Variants in CHD1 observed in about 807,000 individuals in gnomAD.
The protein encoded by CHD1 is ATP-dependent chromatin remodeler CHD1.
Under a neutral mutation model 224.2 loss-of-function variants are expected in CHD1, and 36 were observed. The ratio of observed to expected loss-of-function variants is 0.16; its 90% CI spans 0.12 to 0.21. CHD1 has a LOEUF of 0.21. Ranked by LOEUF, CHD1 falls within the 10% of genes least tolerant of loss-of-function variation. The pLI is 1.00. For synonymous variants in CHD1, 668 were observed against 658.3 expected (o/e 1.01, Z -0.23); for missense variants, 1,378 against 1,994.8 (o/e 0.69, Z 5.89).
In CHD1 at chr5:98,896,569, C is replaced by T. The variant is rs186993663; in HGVS notation, c.1494-127G>A. On this transcript the variant is annotated intron_variant, in intron 11 of 35. Coordinates refer to ENST00000614616, the MANE Select transcript of CHD1 (RefSeq NM_001270.4). ...GATAGGTATTATATAGAATATACCACTTTTATTAACTACAAATAATAAATG... is the reference window on the plus strand; with the variant it reads ...GATAGGTATTATATAGAATATACCATTTTTATTAACTACAAATAATAAATG... 158 of 615,352 alleles carry T rather than the reference C, an allele frequency of 2.6e-4. No individual in the cohort carries two copies. In the East Asian group the frequency reaches 4.0e-3, roughly 15 times the overall value. The allele number at this position is 615,352 out of a possible 1,614,324, so 38.1% of individuals were successfully genotyped here.
intron 1 of CHD1, among the ~76,000 whole-genome samples, chr5:98,927,147 C>T (rs532475859): frequency 6.6e-6 from 1 of 152,066 alleles, no homozygotes; most frequent in Non-Finnish European, 1.5e-5. Flanking sequence ...CCAGTTTGCA[C>T]TTGGTTTTTA....
chr5:98,874,820 T>C (rs890905185), intron 25 of CHD1, among the ~76,000 whole-genome samples: 1 of 152,110 alleles, frequency 6.6e-6, no homozygotes, highest in Non-Finnish European at 1.5e-5. Context: ...TTGTAAAAAG[T>C]GCCTTACCGT....
intron 31 of CHD1, among the ~76,000 whole-genome samples, chr5:98,867,978 T>C (rs533645724): frequency 6.6e-6 from 1 of 152,004 alleles, no homozygotes; most frequent in Admixed American, 6.6e-5. Context: ...AATTTTTGTT[T>C]TTTTTCTTAG....
At chr5:98,881,830 TA>T in intron 20 of CHD1, 144 bp downstream of exon 20, 1 of 644,656 alleles carries the variant, frequency 1.6e-6, no homozygotes, top group Non-Finnish European at 2.5e-6. Flanking sequence ...GTATGTCTTC[TA>T]ACTAGAAATT....
intron 2 of CHD1, 39 bp from the exon 3 acceptor site, chr5:98,905,137 T>C (rs1000326016): frequency 1.0e-5 from 16 of 1,607,752 alleles, no homozygotes; most frequent in Non-Finnish European, 1.1e-5. Context: ...CAAAATTCAT[T>C]AGGAATTTAA....
At chr5:98,859,771 C>A (rs1748324024) in intron 33 of CHD1, among the ~76,000 whole-genome samples, 1 of 152,046 alleles carries the variant, frequency 6.6e-6, no homozygotes, top group African/African-American at 2.4e-5. Context: ...AGGAGATCTG[C>A]CAATATCCTG....
chr5:98,878,898 GA>G (rs1749964303), intron 23 of CHD1, among the ~76,000 whole-genome samples: 1 of 152,220 alleles, frequency 6.6e-6, no homozygotes. Flanking sequence ...TATTAGAAAA[GA>G]GAGATTACAT....
rs924797144 is a variant in CHD1, at chr5:98,896,169, A to T, written c.1710+57T>A. 4.9e-6 allele frequency: 7 copies of T among 1,440,200 alleles called. No individual in the cohort carries two copies. In the African/African-American group the frequency reaches 9.9e-5, roughly 20 times the overall value. The allele number at this position is 1,440,200 out of a possible 1,614,324, so 89.2% of individuals were successfully genotyped here. A position where few individuals can be genotyped will look rare whatever the true frequency, so the allele number is the denominator to read the frequency against. On this transcript the variant is annotated intron_variant, in intron 12 of 35. Transcript: ENST00000614616. ...AACCCCATCTCAAAACAACAAAAAC[A>T]CTTGATCTCAAAGACAAGTACATTT...
In CHD1 at chr5:98,858,397, G is replaced by T. The variant is rs1748204859; in HGVS notation, c.4577-7C>A. The T allele has an allele frequency of 6.2e-7, 1 of 1,603,286 alleles. No homozygotes were observed. The highest frequency in any genetic ancestry group is 1.7e-5 in the Admixed American group (1 of 59,582). ...TCTTTTAATCTTTCCACATCTGTTA[G>T]ATAAGTACAACTTTTATTAATGACC... On this transcript the variant is annotated splice_region_variant and splice_polypyrimidine_tract_variant and intron_variant, in intron 34 of 35. Coordinates refer to ENST00000614616, the MANE Select transcript of CHD1 (RefSeq NM_001270.4).
intron 1 of CHD1, among the ~76,000 whole-genome samples, 169 bp from the exon 2 acceptor site, chr5:98,926,703 C>T (rs1753479575): frequency 6.6e-6 from 1 of 152,074 alleles, no homozygotes; most frequent in South Asian, 2.1e-4. Context: ...AATAACTACA[C>T]TCCTGACTGC....
chr5:98,865,570 TCTAA>T (rs1240754891), intron 31 of CHD1, among the ~76,000 whole-genome samples: 4 of 152,322 alleles, frequency 2.6e-5, no homozygotes, highest in African/African-American at 7.2e-5. Context: ...CAAACCCAGC[TCTAA>T]CTGACCTCAG....
intron 18 of CHD1, 49 bp downstream of exon 18, chr5:98,885,526 ATAC>A: frequency 9.3e-7 from 1 of 1,074,314 alleles, no homozygotes; most frequent in South Asian, 1.4e-5. Flanking sequence ...ATAATGTAAT[ATAC>A]TGATACTAAA....
intron 2 of CHD1, among the ~76,000 whole-genome samples, chr5:98,911,146 A>AAAAAAAAAAAATAAATATATATATATAT (rs1491111295): frequency 2.6e-5 from 1 of 39,144 alleles, no homozygotes; most frequent in African/African-American, 1.2e-4. Context: ...AAAAAAAAAA[A>AAAAAAAAAAAATAAATATATATATATAT]ATATATATAT....
intron 2 of CHD1, among the ~76,000 whole-genome samples, chr5:98,909,443 T>C (rs1312900831): frequency 1.3e-5 from 2 of 152,168 alleles, no homozygotes; most frequent in Non-Finnish European, 1.5e-5. Flanking sequence ...AGATTTAGTA[T>C]AAATCTGTGG....
Position 98,898,372 on chromosome 5 carries a change from GA to G in CHD1, c.1248del (p.Pro417HisfsTer41). On this transcript the variant is annotated frameshift_variant, in exon 10 of 36. Transcript: ENST00000614616. LOFTEE classifies it high-confidence loss of function. The stretch of plus-strand genomic sequence containing the variant: ...TCTTCCCAGCTGCACTCTGAGTATG[GA>G]AGGCCCTGCCATTTGCAGTAATAAT... ...YPDYYCKWQG[L>X]PYSECSWEDG... 1 of 1,601,772 alleles carries G rather than the reference GA, an allele frequency of 6.2e-7. No individual in the cohort carries two copies. Among genetic ancestry groups the G allele is most frequent in the South Asian group, 1.1e-5 (1 of 88,414 alleles).
At chr5:98,892,923 T>C (rs182691824) in intron 14 of CHD1, among the ~76,000 whole-genome samples, 27 of 152,324 alleles carry the variant, frequency 1.8e-4, no homozygotes, top group African/African-American at 6.3e-4. Flanking sequence ...GTTATGATTC[T>C]TGAATCAAGT....
chr5:98,888,990 T>C (rs1750831404), intron 16 of CHD1, 86 bp downstream of exon 16: 1 of 853,512 alleles, frequency 1.2e-6, no homozygotes, highest in Non-Finnish European at 1.8e-6. Context: ...ATCCAATAAG[T>C]TAAAGCATTG....
At chr5:98,914,374 C>G (rs368908330) in intron 2 of CHD1, among the ~76,000 whole-genome samples, 1 of 152,156 alleles carries the variant, frequency 6.6e-6, no homozygotes, top group African/African-American at 2.4e-5. Flanking sequence ...CCCTGTTTCT[C>G]TAGCTAACAC....
intron 7 of CHD1, 63 bp downstream of exon 7, chr5:98,900,748 A>T: frequency 7.0e-7 from 1 of 1,432,790 alleles, no homozygotes; most frequent in Admixed American, 2.0e-5. Context: ...CACTGTGCCC[A>T]GCCCTCTACT....
Sources: allele counts gnomAD v4.1 joint callset (sites outside exome capture counted in the v4.1 genomes callset), GRCh38; gene constraint gnomAD v4.1.1; transcripts MANE v1.5; gene names NCBI Gene and HGNC (gene_info 2026-07-23, HGNC 2026-07-21).